USP8: variants seen among roughly 807,000 people sequenced by gnomAD.
USP8 encodes ubiquitin specific peptidase 8, also known as ubiquitin carboxyl-terminal hydrolase 8.
USP8 carries 27 observed loss-of-function variants against 130.0 expected under a neutral mutation model. That is an observed-to-expected ratio of 0.21 (90% CI 0.15 to 0.29). The LOEUF is 0.29. Ranked by LOEUF, USP8 falls within the 10% of genes least tolerant of loss-of-function variation. The pLI, the probability that USP8 is intolerant of heterozygous loss-of-function variation, is 1.00. For synonymous variants in USP8, 392 were observed against 444.1 expected (o/e 0.88, Z 1.48); for missense variants, 1,029 against 1,312.2 (o/e 0.78, Z 3.33).
Position 50,506,347 on chromosome 15 carries a change from T to A in USP8, c.*7259T>A, listed in dbSNP as rs1368269777. On this transcript the variant is annotated 3_prime_UTR_variant, in exon 20 of 20. Coordinates refer to ENST00000307179, the MANE Select transcript of USP8 (RefSeq NM_005154.5). Reference sequence around the variant, plus strand: ...ATTAGATTCTCACAGCAGCACAAACTCTATTGTGAACTGCGCATGTGAGGG... The same window carrying A: ...ATTAGATTCTCACAGCAGCACAAACACTATTGTGAACTGCGCATGTGAGGG... 1 of 152,026 alleles carries A rather than the reference T, an allele frequency of 6.6e-6. No individual in the cohort carries two copies. Among genetic ancestry groups the A allele is most frequent in the Admixed American group, 6.6e-5 (1 of 15,248 alleles). 9.4% of individuals were successfully genotyped at this position (152,026 alleles called of 1,614,324 possible).
intron 10 of USP8, 84 bp downstream of exon 10, chr15:50,477,583 T>A (rs2051610557): frequency 2.3e-6 from 3 of 1,282,144 alleles, no homozygotes; most frequent in Non-Finnish European, 3.2e-6. Flanking sequence ...CTCACGCCTG[T>A]AATCCCAGCA....
intron 4 of USP8, among the ~76,000 whole-genome samples, chr15:50,455,859 A>G (rs990025798): frequency 2.6e-5 from 4 of 152,226 alleles, no homozygotes; most frequent in African/African-American, 7.2e-5. Context: ...GGGCAAGTCT[A>G]TACAAAGAAT....
intron 15 of USP8, 101 bp from the exon 16 acceptor site, chr15:50,493,969 C>A: frequency 7.8e-7 from 1 of 1,288,114 alleles, no homozygotes; most frequent in Non-Finnish European, 1.1e-6. Flanking sequence ...TGTAGTGCTA[C>A]AGTATGTGAA....
At chr15:50,462,974 G>A (rs7168783) in intron 6 of USP8, among the ~76,000 whole-genome samples, 20,857 of 152,010 alleles carry the variant, frequency 0.14, 1,946 homozygotes, top group Middle Eastern at 0.28. Flanking sequence ...GAGGCCAGGC[G>A]CAGTGGCTCA....
intron 3 of USP8, among the ~76,000 whole-genome samples, chr15:50,446,906 C>T (rs150933199): frequency 1.1e-3 from 166 of 152,336 alleles, no homozygotes; most frequent in African/African-American, 3.7e-3. Flanking sequence ...GCTGGGATTA[C>T]AAGCGTGAGC....
In USP8 at chr15:50,502,385, T is replaced by C. The variant is rs1406077311; in HGVS notation, c.*3297T>C. ...GCCTCCCAAAGTTATTTATTTTTAT[T>C]TGAGACAGAGTCTTGCTCTGTTGCC... On this transcript the variant is annotated 3_prime_UTR_variant, in exon 20 of 20. Transcript: ENST00000307179. 1 of 152,224 alleles carries C rather than the reference T, an allele frequency of 6.6e-6. No homozygotes were observed. The highest frequency in any genetic ancestry group is 1.5e-5 in the Non-Finnish European group (1 of 68,200). 9.4% of individuals were successfully genotyped at this position (152,224 alleles called of 1,614,324 possible).
At chr15:50,430,871 T>G (rs1389415708) in intron 1 of USP8, among the ~76,000 whole-genome samples, 1 of 152,198 alleles carries the variant, frequency 6.6e-6, no homozygotes, top group Non-Finnish European at 1.5e-5. Flanking sequence ...GGGGGTAATT[T>G]TGCCTTCCAG....
At chr15:50,468,137 T>C (rs2141288146) in intron 7 of USP8, among the ~76,000 whole-genome samples, 1 of 152,016 alleles carries the variant, frequency 6.6e-6, no homozygotes, top group East Asian at 1.9e-4. Flanking sequence ...GGTTTCACCA[T>C]GTTGGCCAGG....
At position 50,426,413 on chromosome 15, in the gene USP8, A is replaced by G. The variant is rs113835200; in HGVS notation, c.-66+1899A>G. On this transcript the variant is annotated intron_variant, in intron 1 of 19. Transcript: ENST00000307179. Reference sequence around the variant, plus strand: ...TAACAAATCACTCCAAAACATAGTGACTTAAAACTGTAATTTAGTATCTCT... The same window carrying G: ...TAACAAATCACTCCAAAACATAGTGGCTTAAAACTGTAATTTAGTATCTCT... 3.6e-3 allele frequency among the ~76,000 whole-genome samples: 546 copies of G among 152,316 alleles called. 5 individuals are homozygous for G. The highest frequency in any genetic ancestry group is 0.012 in the African/African-American group (517 of 41,564).
Position 50,505,161 on chromosome 15 carries a change from A to T in USP8, c.*6073A>T, listed in dbSNP as rs2052641967. 6.6e-6 allele frequency: 1 copy of T among 152,170 alleles called. No homozygotes were observed. 9.4% of individuals were successfully genotyped at this position (152,170 alleles called of 1,614,324 possible). ...GGGGAGCAAGGCAATATTAAAAGTG[A>T]TAATGGCTGAAAATGATTAATGAGA... On this transcript the variant is annotated 3_prime_UTR_variant, in exon 20 of 20. Coordinates refer to ENST00000307179, the MANE Select transcript of USP8 (RefSeq NM_005154.5).
intron 11 of USP8, among the ~76,000 whole-genome samples, chr15:50,483,070 C>T (rs759373026): frequency 3.5e-4 from 53 of 152,292 alleles, no homozygotes; most frequent in Admixed American, 2.0e-4. Flanking sequence ...CATGTGCACT[C>T]CAAGATACAA....
intron 8 of USP8, among the ~76,000 whole-genome samples, chr15:50,475,030 AC>A (rs1325548657): frequency 2.0e-5 from 3 of 152,126 alleles, no homozygotes; most frequent in Admixed American, 6.6e-5. Flanking sequence ...AATTGCTGGA[AC>A]CCAGTGGGCA....
At position 50,475,483 on chromosome 15, in the gene USP8, A is replaced by G. The variant is rs186845058; in HGVS notation, c.850-1366A>G. On this transcript the variant is annotated intron_variant, in intron 8 of 19. Transcript: ENST00000307179. The stretch of plus-strand genomic sequence containing the variant: ...ATTGGTATAGCCTTTCTGAAGGGCA[A>G]CTGGGCATCATATTAAACCAGCAAT... Among the ~76,000 whole-genome samples the G allele has an allele frequency of 3.0e-3, 461 of 152,256 alleles. 7 individuals carry two copies. The highest frequency in any genetic ancestry group is 4.1e-3 in the Non-Finnish European group (276 of 68,030).
chr15:50,466,561 C>T (rs2051195180), intron 7 of USP8, among the ~76,000 whole-genome samples: 1 of 150,804 alleles, frequency 6.6e-6, no homozygotes. Flanking sequence ...CGGCACTGCA[C>T]TCCAGCCTGG....
At chr15:50,474,355 G>A (rs1182359701) in intron 8 of USP8, among the ~76,000 whole-genome samples, 2 of 152,146 alleles carry the variant, frequency 1.3e-5, no homozygotes, top group East Asian at 1.9e-4. Context: ...AGCATGTGGT[G>A]AGAAGAAAAC....
At chr15:50,461,317 G>A (rs2050993467) in intron 5 of USP8, among the ~76,000 whole-genome samples, 1 of 151,812 alleles carries the variant, frequency 6.6e-6, no homozygotes, top group African/African-American at 2.4e-5. Flanking sequence ...TAAAAAATTA[G>A]CCAGTCATGA....
intron 16 of USP8, among the ~76,000 whole-genome samples, chr15:50,494,792 A>T (rs563486959): frequency 1.3e-5 from 2 of 152,300 alleles, no homozygotes; most frequent in East Asian, 3.9e-4. Context: ...AGGCTGGTGG[A>T]TCACCTGAGG....
chr15:50,439,230 G>T, intron 2 of USP8, 53 bp downstream of exon 2: 3 of 1,150,024 alleles, frequency 2.6e-6, no homozygotes, highest in Non-Finnish European at 2.4e-6. Context: ...TTTTTAGTTC[G>T]TTTCCATATT....
At chr15:50,491,374 T>C (rs1021876816) in intron 14 of USP8, among the ~76,000 whole-genome samples, 1 of 152,224 alleles carries the variant, frequency 6.6e-6, no homozygotes, top group Admixed American at 6.5e-5. Flanking sequence ...GGTGCAGACT[T>C]ATTCGAAGGA....
Sources: gnomAD v4.1 joint callset for allele counts (sites outside exome capture counted in the v4.1 genomes callset) on GRCh38, gnomAD v4.1.1 for gene constraint, MANE v1.5 for transcripts, NCBI Gene and HGNC (gene_info 2026-07-23, HGNC 2026-07-21) for gene names.